The following SMARCA2 variants were observed in gnomAD, a reference collection of about 807,000 sequenced individuals.
The protein encoded by SMARCA2 is SWI/SNF-related matrix-associated actin-dependent regulator of chromatin subfamily A member 2.
SMARCA2 carries 61 observed loss-of-function variants against 199.8 expected under a neutral mutation model. The ratio of observed to expected loss-of-function variants is 0.31; its 90% CI spans 0.25 to 0.38. The LOEUF is 0.38. Among genes scored for constraint, SMARCA2 ranks in the 10% least tolerant of loss-of-function variants. The probability of loss-of-function intolerance (pLI) is 1.00; values close to 1 mark genes in which losing one functional copy is unlikely to be tolerated. For synonymous variants in SMARCA2, 935 were observed against 732.0 expected (o/e 1.28, Z -4.48); for missense variants, 1,344 against 2,012.2 (o/e 0.67, Z 6.35).
chr9:2,041,338 T>A, intron 4 of SMARCA2: 1 of 398,648 alleles, frequency 2.5e-6, no homozygotes, highest in Non-Finnish European at 4.4e-6. Context: ...CAGCTCTGAA[T>A]GCTGGGAATT....
chr9:2,062,448 A>G (rs1367747534), intron 9 of SMARCA2, among the ~76,000 whole-genome samples: 1 of 152,208 alleles, frequency 6.6e-6, no homozygotes, highest in Admixed American at 6.5e-5. Context: ...TATGGCTTAC[A>G]ATTAATAGAT....
In SMARCA2 at chr9:2,056,916, A is replaced by C. The variant is rs1431129007; in HGVS notation, c.1347+71A>C. ...TCCAATGAATTCATCAAATGGGGTC[A>C]GAATGACTGAAAAATGGACCCTTGT... On this transcript the variant is annotated intron_variant, in intron 7 of 33. Transcript: ENST00000349721. The surrounding 1 kb of genome is among the most constrained non-coding windows in gnomAD (Gnocchi z 4.0). The C allele has an allele frequency of 2.8e-6, 4 of 1,419,514 alleles. No individual in the cohort carries two copies. The Admixed American group carries it at 6.3e-5, about 22-fold the overall frequency. The allele number at this position is 1,419,514 out of a possible 1,614,324, so 87.9% of individuals were successfully genotyped here.
rs974505587 is a variant in SMARCA2, at chr9:2,081,719, A to G, written c.2185-113A>G. 42 of 857,578 alleles carry G rather than the reference A, an allele frequency of 4.9e-5. 1 individual carries two copies. In the African/African-American group the frequency reaches 7.1e-4, roughly 15 times the overall value. 53.1% of individuals were successfully genotyped at this position (857,578 alleles called of 1,614,324 possible). A position where few individuals can be genotyped will look rare whatever the true frequency, so the allele number is the denominator to read the frequency against. On this transcript the variant is annotated intron_variant, in intron 14 of 33. Coordinates refer to ENST00000349721, the MANE Select transcript of SMARCA2 (RefSeq NM_003070.5). ...GCTTCCCCCATTTTCCTACTGTGGGAAACCCAACATACAGCAGTGAGGAGT... is the reference window on the plus strand; with the variant it reads ...GCTTCCCCCATTTTCCTACTGTGGGGAACCCAACATACAGCAGTGAGGAGT...
chr9:2,154,062 C>G (rs1275187144), intron 27 of SMARCA2, among the ~76,000 whole-genome samples: 14 of 152,330 alleles, frequency 9.2e-5, no homozygotes, highest in Non-Finnish European at 1.5e-5. Flanking sequence ...ACTTTGAGTT[C>G]AAATACTGAG....
intron 27 of SMARCA2, among the ~76,000 whole-genome samples, chr9:2,151,617 C>T (rs577937944): frequency 6.6e-6 from 1 of 152,054 alleles, no homozygotes; most frequent in African/African-American, 2.4e-5. Flanking sequence ...GCCTGTAATC[C>T]CAGCTATTGG....
chr9:2,095,765 C>A (rs1822250104), intron 19 of SMARCA2, among the ~76,000 whole-genome samples: 1 of 152,248 alleles, frequency 6.6e-6, no homozygotes, highest in Non-Finnish European at 1.5e-5. Context: ...CATTTTACAT[C>A]AGTTTATTAA....
chr9:2,055,287 C>T (rs1820302269), intron 6 of SMARCA2, among the ~76,000 whole-genome samples: 1 of 152,208 alleles, frequency 6.6e-6, no homozygotes, highest in South Asian at 2.1e-4. Context: ...AAATTATCTG[C>T]TCTTGTAGTT....
chr9:2,041,143 T>C (rs1172565750), intron 4 of SMARCA2: 1 of 388,790 alleles, frequency 2.6e-6, no homozygotes, highest in Non-Finnish European at 4.5e-6. Flanking sequence ...TTCATTAATA[T>C]TCTGCCTATT....
At position 2,056,662 on chromosome 9, in the gene SMARCA2, T is replaced by C. The variant is rs752815708; in HGVS notation, c.1174-10T>C. 5 of 1,611,600 alleles carry C rather than the reference T, an allele frequency of 3.1e-6. No homozygotes were observed. Among genetic ancestry groups the C allele is most frequent in the African/African-American group, 1.3e-5 (1 of 74,728 alleles). On this transcript the variant is annotated splice_polypyrimidine_tract_variant and intron_variant, in intron 6 of 33. Transcript: ENST00000349721. The surrounding 1 kb of genome is among the most constrained non-coding windows in gnomAD (Gnocchi z 4.0). ...TAGGGAAGGCTGTCTAACTGCTCTC[T>C]TCTTGACAGCTGAGACAGGAGGTGG...
chr9:2,134,771 C>A (rs1409573581), intron 27 of SMARCA2, among the ~76,000 whole-genome samples: 1 of 152,086 alleles, frequency 6.6e-6, no homozygotes, highest in African/African-American at 2.4e-5. Context: ...TGAGAGCCCT[C>A]ATGAATGGAA....
chr9:2,113,495 A>G (rs1823091225), intron 24 of SMARCA2, among the ~76,000 whole-genome samples: 1 of 152,252 alleles, frequency 6.6e-6, no homozygotes, highest in Non-Finnish European at 1.5e-5. Flanking sequence ...CTTCAGAAAC[A>G]TGGAGTAATC....
In SMARCA2 at chr9:2,170,736, G is replaced by A. The variant is rs558432530; in HGVS notation, c.4253+264G>A. Among the ~76,000 whole-genome samples the A allele has an allele frequency of 9.3e-4, 142 of 152,234 alleles. No individual in the cohort carries two copies. Among genetic ancestry groups the A allele is most frequent in the Non-Finnish European group, 1.7e-3 (114 of 67,998 alleles). ...GGTATTGGGAGCTCCTGGAAAGCCC[G>A]CCCTAACTGCAGCATCTTGGAGATG... On this transcript the variant is annotated intron_variant, in intron 29 of 33. Coordinates refer to ENST00000349721, the MANE Select transcript of SMARCA2 (RefSeq NM_003070.5). This position sits in a 1 kb window ranked among gnomAD's most constrained non-coding sequence, Gnocchi z 4.7.
intron 28 of SMARCA2, among the ~76,000 whole-genome samples, chr9:2,168,475 A>G (rs1054311100): frequency 1.3e-5 from 2 of 152,224 alleles, no homozygotes; most frequent in African/African-American, 2.4e-5. Flanking sequence ...ACATATAATC[A>G]GCCCATTCTC....
chr9:2,085,023 A>G (rs1821741372), intron 17 of SMARCA2, among the ~76,000 whole-genome samples: 1 of 152,224 alleles, frequency 6.6e-6, no homozygotes, highest in South Asian at 2.1e-4. Flanking sequence ...GTTATGTCCA[A>G]AATTGAATAG....
intron 27 of SMARCA2, among the ~76,000 whole-genome samples, chr9:2,149,186 A>T (rs1443847990): frequency 6.6e-6 from 1 of 151,262 alleles, no homozygotes; most frequent in Non-Finnish European, 1.5e-5. Context: ...GGCACTTCTT[A>T]CATGGTGGCG....
rs61327057 is a variant in SMARCA2, at chr9:2,174,924, C to CAAAAAAAAA, written c.4253+4472_4253+4480dup. Among the ~76,000 whole-genome samples, 347 of 62,292 alleles carry CAAAAAAAAA rather than the reference C, an allele frequency of 5.6e-3. 20 individuals are homozygous for CAAAAAAAAA. The highest frequency in any genetic ancestry group is 0.019 in the African/African-American group (267 of 13,956). 40.9% of individuals were successfully genotyped at this position (62,292 alleles called of 152,430 possible). On this transcript the variant is annotated intron_variant, in intron 29 of 33. Transcript: ENST00000349721. Reference sequence around the variant, plus strand: ...TGGGGGACAGAGTGAGACCCTCTCTCAAAAAAAAAAAAAAAAAAAAAAAAA... The same window carrying CAAAAAAAAA: ...TGGGGGACAGAGTGAGACCCTCTCTCAAAAAAAAAAAAAAAAAAAAAAAAAAAAAAAAAA...
chr9:2,123,967 C>T lies in SMARCA2; in HGVS notation c.3981+30C>T, dbSNP rs1823577609. On this transcript the variant is annotated intron_variant, in intron 27 of 33. Transcript: ENST00000349721. The surrounding 1 kb of genome is among the most constrained non-coding windows in gnomAD (Gnocchi z 4.1). ...GCCTAGCTTTTCTAACCCGCTCTCA[C>T]TAGGTGGAGGGTTTTTGGTGGCTTG... The T allele has an allele frequency of 6.5e-7, 1 of 1,527,968 alleles. No individual in the cohort carries two copies. Among genetic ancestry groups the T allele is most frequent in the Non-Finnish European group, 8.9e-7 (1 of 1,126,864 alleles). 94.7% of individuals were successfully genotyped at this position (1,527,968 alleles called of 1,614,324 possible).
At chr9:2,019,775 T>C (rs1818522959) in intron 1 of SMARCA2, among the ~76,000 whole-genome samples, 1 of 151,982 alleles carries the variant, frequency 6.6e-6, no homozygotes, top group Admixed American at 6.5e-5. Flanking sequence ...AAGAAGAGTT[T>C]TATAAATTAT....
intron 14 of SMARCA2, among the ~76,000 whole-genome samples, chr9:2,078,059 G>A (rs548628194): frequency 2.6e-5 from 4 of 152,302 alleles, no homozygotes; most frequent in Non-Finnish European, 5.9e-5. Context: ...CTATTAAACT[G>A]GAGAACATCC....
Sources: allele counts gnomAD v4.1 joint callset (sites outside exome capture counted in the v4.1 genomes callset), GRCh38; gene constraint gnomAD v4.1.1; non-coding constraint Gnocchi (gnomAD v3.1); transcripts MANE v1.5; gene names NCBI Gene and HGNC (gene_info 2026-07-23, HGNC 2026-07-21).